The following UGGT2 variants were observed in gnomAD, a reference collection of about 807,000 sequenced individuals.
UGGT2 encodes the protein UDP-glucose:glycoprotein glucosyltransferase 2.
In UGGT2, 180 loss-of-function variants were observed where a neutral mutation model predicts 192.1. That is an observed-to-expected ratio of 0.94 (90% CI 0.83 to 1.06). The LOEUF (loss-of-function observed/expected upper bound fraction) is 1.06. Ranked by LOEUF, UGGT2 falls within the 50% of genes least tolerant of loss-of-function variation. The probability of loss-of-function intolerance (pLI) is 0.00; values close to 1 mark genes in which losing one functional copy is unlikely to be tolerated. For missense variants in UGGT2, 1,849 were observed against 1,795.7 expected (o/e 1.03, Z -0.54); for synonymous variants, 580 against 591.0 (o/e 0.98, Z 0.27).
chr13:96,007,619 C>A (rs971342935), intron 5 of UGGT2, among the ~76,000 whole-genome samples: 1 of 151,966 alleles, frequency 6.6e-6, no homozygotes, highest in Non-Finnish European at 1.5e-5. Flanking sequence ...GATATAAAAT[C>A]AATATACAAA....
intron 38 of UGGT2, among the ~76,000 whole-genome samples, chr13:95,816,999 T>C (rs1309337680): frequency 6.6e-6 from 1 of 152,146 alleles, no homozygotes; most frequent in African/African-American, 2.4e-5. Context: ...TGTTGGCACA[T>C]GCTTGTAATC....
chr13:96,006,499 C>T (rs1216664208), intron 5 of UGGT2, among the ~76,000 whole-genome samples: 1 of 151,822 alleles, frequency 6.6e-6, no homozygotes, highest in African/African-American at 2.4e-5. Flanking sequence ...GTGGTGTGTG[C>T]CTGTAATCCC....
At chr13:95,802,983 G>A (rs994562616) in intron 38 of UGGT2, among the ~76,000 whole-genome samples, 4 of 151,822 alleles carry the variant, frequency 2.6e-5, no homozygotes, top group East Asian at 2.0e-4. Flanking sequence ...ACAGGCGCCC[G>A]CCACCACGCC....
At chr13:95,815,874 G>A (rs992818401) in intron 38 of UGGT2, among the ~76,000 whole-genome samples, 7 of 152,280 alleles carry the variant, frequency 4.6e-5, no homozygotes, top group South Asian at 2.1e-4. Context: ...ACTGGACCAC[G>A]GGGGCAGAGT....
chr13:95,942,232 GTGT>G, intron 15 of UGGT2, among the ~76,000 whole-genome samples: 1 of 56,428 alleles, frequency 1.8e-5, no homozygotes, highest in Middle Eastern at 6.8e-3. Context: ...GTGTGTGTGT[GTGT>G]GTGTGTGTGT....
At chr13:95,928,581 C>T (rs2049125581) in intron 17 of UGGT2, among the ~76,000 whole-genome samples, 2 of 151,592 alleles carry the variant, frequency 1.3e-5, no homozygotes, top group Non-Finnish European at 2.9e-5. Context: ...CAGAGGTGCT[C>T]TTCACAGCCC....
chr13:95,843,335 T>C (rs536923712), intron 36 of UGGT2, among the ~76,000 whole-genome samples: 2 of 152,338 alleles, frequency 1.3e-5, no homozygotes, highest in East Asian at 1.9e-4. Context: ...GTATTCACCA[T>C]AGTTTTAATT....
At chr13:95,906,100 C>T (rs955677442) in intron 20 of UGGT2, among the ~76,000 whole-genome samples, 1 of 152,102 alleles carries the variant, frequency 6.6e-6, no homozygotes, top group Non-Finnish European at 1.5e-5. Flanking sequence ...AAGCAATTAT[C>T]ACTTTTTATG....
At chr13:95,976,424 G>C (rs1271058380) in intron 10 of UGGT2, among the ~76,000 whole-genome samples, 4 of 151,994 alleles carry the variant, frequency 2.6e-5, no homozygotes, top group African/African-American at 9.7e-5. Flanking sequence ...CCTTACTTTT[G>C]GGTATATATC....
At chr13:96,024,053 T>C (rs532098291) in intron 2 of UGGT2, among the ~76,000 whole-genome samples, 19 of 152,320 alleles carry the variant, frequency 1.2e-4, no homozygotes, top group African/African-American at 2.6e-4. Context: ...TGTGGGGTTA[T>C]ATTACAAGGA....
chr13:95,988,195 A>G (rs2051349902), intron 8 of UGGT2, among the ~76,000 whole-genome samples: 1 of 152,006 alleles, frequency 6.6e-6, no homozygotes, highest in Non-Finnish European at 1.5e-5. Context: ...GGTTTCCCTC[A>G]ATCATGCCTG....
At chr13:95,952,248 C>T (rs928437633) in intron 12 of UGGT2, among the ~76,000 whole-genome samples, 3 of 151,932 alleles carry the variant, frequency 2.0e-5, no homozygotes, top group East Asian at 1.9e-4. Context: ...AAAGATACGA[C>T]GGCCCCAGGC....
intron 1 of UGGT2, among the ~76,000 whole-genome samples, chr13:96,042,777 A>T (rs1305911607): frequency 2.0e-5 from 3 of 152,102 alleles, no homozygotes; most frequent in Admixed American, 2.0e-4. Context: ...GAGCTTGAGG[A>T]CACGGTTTTA....
chr13:95,973,642 AAGTAAAAAG>A (rs2050846177), intron 10 of UGGT2, among the ~76,000 whole-genome samples: 1 of 152,216 alleles, frequency 6.6e-6, no homozygotes, highest in African/African-American at 2.4e-5. Flanking sequence ...CAGTTAACAA[AAGTAAAAAG>A]GGGGATGTTC....
Position 95,895,148 on chromosome 13 carries a change from AAATG to A in UGGT2, c.2759+28_2759+31del, listed in dbSNP as rs757826751. On this transcript the variant is annotated intron_variant, in intron 23 of 38. Transcript: ENST00000376747. The stretch of plus-strand genomic sequence containing the variant: ...CATTAGACTCAAAATACCAAACCCA[AAATG>A]AATTGCTCTTAGAACTTATATACTC... 3 of 1,546,870 alleles carry A rather than the reference AAATG, an allele frequency of 1.9e-6. No individual in the cohort carries two copies. The Admixed American group carries it at 7.2e-5, about 37-fold the overall frequency.
At chr13:95,851,152 TAG>T in intron 36 of UGGT2, among the ~76,000 whole-genome samples, 1 of 152,354 alleles carries the variant, frequency 6.6e-6, no homozygotes. Flanking sequence ...ATGTTAGAAT[TAG>T]GTGGCTTCCT....
Position 96,017,555 on chromosome 13 carries a change from A to T in UGGT2, c.486-4074T>A, listed in dbSNP as rs575950175. ...CCAGCCTCAGGTATTTCTTTATAGT[A>T]ACACAAAAACAGCCTAACACATAAA... On this transcript the variant is annotated intron_variant, in intron 4 of 38. Coordinates refer to ENST00000376747, the MANE Select transcript of UGGT2 (RefSeq NM_020121.4). Among the ~76,000 whole-genome samples, 5 of 152,360 alleles carry T rather than the reference A, an allele frequency of 3.3e-5. No homozygotes were observed. The South Asian group carries it at 1.0e-3, about 32-fold the overall frequency.
At chr13:95,950,923 T>A (rs1203333692) in intron 12 of UGGT2, among the ~76,000 whole-genome samples, 1 of 151,850 alleles carries the variant, frequency 6.6e-6, no homozygotes, top group Non-Finnish European at 1.5e-5. Context: ...GTGAGAGAGA[T>A]TAGGAATATA....
At chr13:95,875,026 T>C (rs2140150137) in intron 29 of UGGT2, among the ~76,000 whole-genome samples, 1 of 152,256 alleles carries the variant, frequency 6.6e-6, no homozygotes, top group Non-Finnish European at 1.5e-5. Context: ...AACTGTCCAA[T>C]TGTTCAAAAG....
Sources: gnomAD v4.1 joint callset for allele counts (sites outside exome capture counted in the v4.1 genomes callset) on GRCh38, gnomAD v4.1.1 for gene constraint, MANE v1.5 for transcripts, NCBI Gene and HGNC (gene_info 2026-07-23, HGNC 2026-07-21) for gene names.